The following DPP6 variants were observed in gnomAD, a reference collection of about 807,000 sequenced individuals.
DPP6 encodes the protein dipeptidyl peptidase like 6.
DPP6 carries 69 observed loss-of-function variants against 122.6 expected under a neutral mutation model. That is an observed-to-expected ratio of 0.56 (90% CI 0.46 to 0.69). The LOEUF (loss-of-function observed/expected upper bound fraction) is 0.69, where lower values mean the gene tolerates loss of function less well. Ranked by LOEUF, DPP6 falls within the 30% of genes least tolerant of loss-of-function variation. The probability of loss-of-function intolerance (pLI) is 0.00; values close to 1 mark genes in which losing one functional copy is unlikely to be tolerated. For missense variants in DPP6, 928 were observed against 1,116.9 expected (o/e 0.83, Z 2.41); for synonymous variants, 418 against 433.1 (o/e 0.97, Z 0.43).
the DPP6 span, among the ~76,000 whole-genome samples, chr7:153,840,737 C>G: frequency 6.6e-6 from 1 of 152,170 alleles, no homozygotes. Flanking sequence ...TATCTACACC[C>G]AAATAATTCA....
chr7:154,459,166 G>C (rs990208015), intron 2 of DPP6, among the ~76,000 whole-genome samples: 1 of 152,124 alleles, frequency 6.6e-6, no homozygotes, highest in Non-Finnish European at 1.5e-5. Context: ...ATGAAATTCA[G>C]ATTAAAAATA....
At chr7:154,550,885 G>A (rs1181547371) in intron 4 of DPP6, among the ~76,000 whole-genome samples, 1 of 151,766 alleles carries the variant, frequency 6.6e-6, no homozygotes, top group East Asian at 1.9e-4. Flanking sequence ...TAAATAGCTG[G>A]GATTACAGGC....
chr7:154,354,040 G>A (rs1048179795), intron 1 of DPP6, among the ~76,000 whole-genome samples: 2 of 152,164 alleles, frequency 1.3e-5, no homozygotes, highest in Non-Finnish European at 2.9e-5. Context: ...GCTAAGCCCA[G>A]GGGATTAAGA....
intron 7 of DPP6, among the ~76,000 whole-genome samples, chr7:154,704,843 G>A (rs1337809446): frequency 6.6e-6 from 1 of 152,168 alleles, no homozygotes; most frequent in Non-Finnish European, 1.5e-5. Flanking sequence ...TCACTTTATT[G>A]TGGTGGTTGG....
At chr7:154,224,164 A>G (rs1800463115) in intron 1 of DPP6, among the ~76,000 whole-genome samples, 1 of 148,620 alleles carries the variant, frequency 6.7e-6, no homozygotes, top group South Asian at 2.1e-4. Flanking sequence ...CATGATGGTG[A>G]TGGTTGAGTG....
chr7:154,575,578 A>ATG (rs1172711034), intron 5 of DPP6, among the ~76,000 whole-genome samples: 64,758 of 116,674 alleles, frequency 0.56, 16,832 homozygotes, highest in East Asian at 0.95. Context: ...GTATATGTGT[A>ATG]TGTGTGAGCG....
chr7:154,505,132 CAGA>C, intron 3 of DPP6, among the ~76,000 whole-genome samples: 1 of 152,308 alleles, frequency 6.6e-6, no homozygotes, highest in South Asian at 2.1e-4. Flanking sequence ...ACTTCCAACT[CAGA>C]TTCCTGGGAT....
chr7:154,762,547 G>A (rs1005430270), intron 8 of DPP6, among the ~76,000 whole-genome samples: 3 of 152,328 alleles, frequency 2.0e-5, no homozygotes, highest in African/African-American at 7.2e-5. Context: ...AGTTGAATTC[G>A]CAGACTGAGC....
intron 1 of DPP6, among the ~76,000 whole-genome samples, chr7:154,357,295 A>G (rs559199963): frequency 4.3e-4 from 63 of 146,634 alleles, no homozygotes; most frequent in African/African-American, 1.5e-3. Context: ...TTTTTTTGCA[A>G]TTGAAAATAA....
chr7:153,846,803 C>T, the DPP6 span, among the ~76,000 whole-genome samples: 3 of 150,632 alleles, frequency 2.0e-5, no homozygotes, highest in African/African-American at 4.9e-5. Flanking sequence ...CGCCATTCTC[C>T]TGCCTCAGCC....
chr7:154,676,775 C>A (rs148526537), intron 7 of DPP6, among the ~76,000 whole-genome samples: 116 of 152,340 alleles, frequency 7.6e-4, no homozygotes, highest in African/African-American at 2.5e-3. Context: ...ACAAAGAAAA[C>A]GAGTCCCTTT....
At chr7:154,515,377 C>T (rs560227125) in intron 3 of DPP6, among the ~76,000 whole-genome samples, 14 of 152,292 alleles carry the variant, frequency 9.2e-5, no homozygotes, top group African/African-American at 2.9e-4. Context: ...CAGGGTCCAC[C>T]GTGCATGAGA....
chr7:153,956,289 G>A (rs1281184327), intron 1 of DPP6, among the ~76,000 whole-genome samples: 3 of 152,126 alleles, frequency 2.0e-5, no homozygotes, highest in Non-Finnish European at 4.4e-5. Flanking sequence ...AGACTGGGCT[G>A]ACCACGGAGA....
chr7:153,906,517 C>A (rs757995303), intron 1 of DPP6, among the ~76,000 whole-genome samples: 36 of 152,212 alleles, frequency 2.4e-4, no homozygotes, highest in Non-Finnish European at 1.6e-4. Flanking sequence ...CTTGCATGAT[C>A]TTGGCTCGCT....
chr7:154,020,490 A>G lies in DPP6; in HGVS notation c.51+132756A>G, dbSNP rs1195406129. 2.0e-5 allele frequency among the ~76,000 whole-genome samples: 3 copies of G among 151,996 alleles called. No homozygotes were observed. The East Asian group carries it at 5.8e-4, about 29-fold the overall frequency. ...TTAGCCTAGAGTCTCAGGTAGTTCA[A>G]GAGTCAGAGTTGGGACCAGGTCTTC... On this transcript the variant is annotated intron_variant, in intron 1 of 25. Coordinates refer to the DPP6 transcript ENST00000404039.
intron 1 of DPP6, among the ~76,000 whole-genome samples, chr7:154,366,150 G>A (rs995958560): frequency 3.9e-5 from 6 of 152,092 alleles, no homozygotes; most frequent in African/African-American, 1.4e-4. Context: ...GCTGAAAAAA[G>A]ACAGTAATGC....
At chr7:154,544,715 C>G (rs542101352) in intron 4 of DPP6, among the ~76,000 whole-genome samples, 1 of 152,246 alleles carries the variant, frequency 6.6e-6, no homozygotes, top group East Asian at 1.9e-4. Flanking sequence ...CCAGTCTTAT[C>G]CCTCAGGAGT....
In DPP6 at chr7:154,058,188, G is replaced by A. The variant is rs1801055544; in HGVS notation, c.243+5125G>A. On this transcript the variant is annotated intron_variant, in intron 1 of 25. Transcript: ENST00000377770. ...GGGGAGGCAATCCCCGCGAGGCGGG[G>A]ACTGCGAACCTCCCCCTTTCCTCCC... 2.7e-5 allele frequency: 4 copies of A among 149,124 alleles called. No homozygotes were observed. In the South Asian group the frequency reaches 6.4e-4, roughly 24 times the overall value. The allele number at this position is 149,124 out of a possible 1,614,324, so 9.2% of individuals were successfully genotyped here. A position where few individuals can be genotyped will look rare whatever the true frequency, so the allele number is the denominator to read the frequency against.
chr7:153,882,633 G>A (rs1003592401), upstream of DPP6, among the ~76,000 whole-genome samples: 2 of 152,216 alleles, frequency 1.3e-5, no homozygotes, highest in African/African-American at 4.8e-5. Context: ...TGGAGCAAAA[G>A]GATCGACACC....
Sources: gnomAD v4.1 joint callset for allele counts (sites outside exome capture counted in the v4.1 genomes callset) on GRCh38, gnomAD v4.1.1 for gene constraint, MANE v1.5 for transcripts, NCBI Gene and HGNC (gene_info 2026-07-23, HGNC 2026-07-21) for gene names.